ZBTB2: variants seen among roughly 807,000 people sequenced by gnomAD.
ZBTB2 encodes the protein zinc finger and BTB domain-containing protein 2.
A neutral mutation model predicts 39.5 loss-of-function variants in ZBTB2; 2 were observed. The ratio of observed to expected loss-of-function variants is 0.05; its 90% CI spans 0.02 to 0.16. The LOEUF (loss-of-function observed/expected upper bound fraction) is 0.16, where lower values mean the gene tolerates loss of function less well. Ranked by LOEUF, ZBTB2 falls within the 10% of genes least tolerant of loss-of-function variation. The pLI is 1.00. For missense variants in ZBTB2, 391 were observed against 653.0 expected (o/e 0.60, Z 4.37); for synonymous variants, 251 against 256.6 (o/e 0.98, Z 0.21).
At chr6:151,386,709 AG>A (rs1340530421) in intron 1 of ZBTB2, among the ~76,000 whole-genome samples, 9 of 152,368 alleles carry the variant, frequency 5.9e-5, no homozygotes, top group African/African-American at 1.9e-4. Context: ...TTTAACTCAA[AG>A]TCTTAATAAT....
chr6:151,379,653 AAAAAAAAG>A (rs1778988984), intron 1 of ZBTB2, among the ~76,000 whole-genome samples: 3 of 150,986 alleles, frequency 2.0e-5, no homozygotes, highest in South Asian at 4.2e-4. Context: ...AAAAAAAAAA[AAAAAAAAG>A]AAAAAAAGAA....
intron 1 of ZBTB2, among the ~76,000 whole-genome samples, chr6:151,384,308 G>C (rs1445040247): frequency 6.6e-6 from 1 of 152,170 alleles, no homozygotes; most frequent in East Asian, 1.9e-4. Context: ...TTTTAAGCAG[G>C]ATGACTTGAT....
chr6:151,365,986 C>T lies in ZBTB2; in HGVS notation c.1080G>A (p.Arg360=). 3 of 1,614,192 alleles carry T rather than the reference C, an allele frequency of 1.9e-6. No homozygotes were observed. Among genetic ancestry groups the T allele is most frequent in the Non-Finnish European group, 2.5e-6 (3 of 1,180,036 alleles). ...EQADQEREVK[R]RKYECTICGR... ...CACATATTGTGCACTCGTACTTCCG[C>T]CTCTTCACCTCCCTCTCCTGGTCGG... The change falls in exon 3 of 3, where the codon AGG becomes AGA. Residue 360 remains arginine (R), a synonymous_variant. Transcript: ENST00000325144. The surrounding 1 kb of genome is among the most constrained non-coding windows in gnomAD (Gnocchi z 5.6).
chr6:151,371,100 C>A (rs146541828), intron 2 of ZBTB2, among the ~76,000 whole-genome samples: 81 of 152,300 alleles, frequency 5.3e-4, no homozygotes, highest in African/African-American at 1.9e-3. Context: ...CCCTACTAGG[C>A]CTTAAGTCTC....
At chr6:151,386,732 T>G (rs1779161802) in intron 1 of ZBTB2, among the ~76,000 whole-genome samples, 1 of 152,252 alleles carries the variant, frequency 6.6e-6, no homozygotes, top group South Asian at 2.1e-4. Context: ...TGTTTCAATA[T>G]TTTAGAGCAG....
rs188093635 is a variant in ZBTB2, at chr6:151,387,426, G to A, written c.-13+3994C>T. 2.6e-5 allele frequency among the ~76,000 whole-genome samples: 4 copies of A among 152,280 alleles called. No individual in the cohort carries two copies. The East Asian group carries it at 7.7e-4, about 29-fold the overall frequency. On this transcript the variant is annotated intron_variant, in intron 1 of 2. Transcript: ENST00000325144. ...TTAGTATTACTGTGACAACAGTTTT[G>A]ACTTCATTGAATCCTGAAAGGATCC...
At chr6:151,377,818 G>A (rs983746571) in intron 1 of ZBTB2, among the ~76,000 whole-genome samples, 25 of 151,960 alleles carry the variant, frequency 1.6e-4, no homozygotes, top group African/African-American at 6.0e-4. Context: ...ACGGACGTGA[G>A]CCACCGTGCC....
rs1268036871 is a variant in ZBTB2 at position 151,366,413 on chromosome 6, T to G, written c.653A>C (p.Glu218Ala). 6.2e-7 allele frequency: 1 copy of G among 1,613,880 alleles called. No individual in the cohort carries two copies. Among genetic ancestry groups the G allele is most frequent in the East Asian group, 2.2e-5 (1 of 44,838 alleles). ...GGAAGATGCTTCCAGATTGGTCTCC[T>G]CCCCGGGAGGAGGGGGAGGAACAGG... ...STPVPPPPPG[E>A]ETNLEASSSD... Residue 218 changes from glutamate to alanine, a missense_variant, in exon 3 of 3, where the codon GAG becomes GCG. By Grantham distance (107) the Glu-to-Ala change is moderately radical. Transcript: ENST00000325144. The surrounding 1 kb of genome is among the most constrained non-coding windows in gnomAD (Gnocchi z 7.1).
At chr6:151,367,962 T>C (rs917541644) in intron 2 of ZBTB2, among the ~76,000 whole-genome samples, 1 of 152,340 alleles carries the variant, frequency 6.6e-6, no homozygotes, top group Admixed American at 6.5e-5. Context: ...GAGATCTATA[T>C]CCACATATCA....
At chr6:151,390,645 G>T (rs1359295243) in intron 1 of ZBTB2, among the ~76,000 whole-genome samples, 1 of 151,536 alleles carries the variant, frequency 6.6e-6, no homozygotes, top group Admixed American at 6.6e-5. Flanking sequence ...GCGCGCCCCC[G>T]CCCGCGAGCG....
At chr6:151,380,559 G>T (rs1433269180) in intron 1 of ZBTB2, among the ~76,000 whole-genome samples, 6 of 152,246 alleles carry the variant, frequency 3.9e-5, no homozygotes, top group Admixed American at 2.0e-4. Context: ...CCACCTCCAG[G>T]CCAGCTCCCG....
At chr6:151,390,296 G>A (rs1286231136) in intron 1 of ZBTB2, among the ~76,000 whole-genome samples, 1 of 145,540 alleles carries the variant, frequency 6.9e-6, no homozygotes, top group Non-Finnish European at 1.5e-5. Context: ...GGGCGGGGCC[G>A]GGGGCGCGGC....
At position 151,365,436 on chromosome 6, in the gene ZBTB2, A is replaced by C; in HGVS notation, c.*85T>G. 6.8e-7 allele frequency: 1 copy of C among 1,461,234 alleles called. No homozygotes were observed. Among genetic ancestry groups the C allele is most frequent in the Non-Finnish European group, 9.2e-7 (1 of 1,082,592 alleles). 90.5% of individuals were successfully genotyped at this position (1,461,234 alleles called of 1,614,324 possible). A position where few individuals can be genotyped will look rare whatever the true frequency, so the allele number is the denominator to read the frequency against. The stretch of plus-strand genomic sequence containing the variant: ...AACAAGGACCTGTTTGTATCATGCC[A>C]TGGAGAACTACAGTTCTGAATTCAG... On this transcript the variant is annotated 3_prime_UTR_variant, in exon 3 of 3. Transcript: ENST00000325144. The surrounding 1 kb of genome is among the most constrained non-coding windows in gnomAD (Gnocchi z 5.6).
chr6:151,379,637 G>GAAAA (rs61085296), intron 1 of ZBTB2, among the ~76,000 whole-genome samples: 6 of 65,922 alleles, frequency 9.1e-5, no homozygotes, highest in Non-Finnish European at 1.2e-4. Context: ...GACCCTGTCT[G>GAAAA]AAAAAAAAAA....
At chr6:151,379,803 T>G (rs1296688603) in intron 1 of ZBTB2, among the ~76,000 whole-genome samples, 1 of 152,128 alleles carries the variant, frequency 6.6e-6, no homozygotes, top group Non-Finnish European at 1.5e-5. Flanking sequence ...GCCATCAAAT[T>G]TGTCAATATT....
intron 1 of ZBTB2, among the ~76,000 whole-genome samples, chr6:151,390,522 C>T (rs975966853): frequency 6.6e-6 from 1 of 150,412 alleles, no homozygotes; most frequent in South Asian, 2.1e-4. Context: ...CCGGCCGGCG[C>T]AACAGCCCCG....
At chr6:151,374,391 G>A (rs904837449) in intron 1 of ZBTB2, among the ~76,000 whole-genome samples, 5 of 152,158 alleles carry the variant, frequency 3.3e-5, no homozygotes, top group Non-Finnish European at 1.5e-5. Context: ...AAATTTAAAT[G>A]TGAATGTACT....
chr6:151,379,797 T>C (rs1778992353), intron 1 of ZBTB2, among the ~76,000 whole-genome samples: 1 of 152,166 alleles, frequency 6.6e-6, no homozygotes. Context: ...TTTAATGCCA[T>C]CAAATTTGTC....
intron 1 of ZBTB2, among the ~76,000 whole-genome samples, chr6:151,390,403 G>T (rs1309007985): frequency 6.7e-6 from 1 of 149,952 alleles, no homozygotes; most frequent in African/African-American, 2.4e-5. Flanking sequence ...GACGCACTCC[G>T]GCCGCGTTGC....
Sources: allele counts gnomAD v4.1 joint callset (sites outside exome capture counted in the v4.1 genomes callset), GRCh38; gene constraint gnomAD v4.1.1; non-coding constraint Gnocchi (gnomAD v3.1); transcripts MANE v1.5; gene names NCBI Gene and HGNC (gene_info 2026-07-23, HGNC 2026-07-21).